SAMD12: variants seen among roughly 807,000 people sequenced by gnomAD.
The protein encoded by SAMD12 is sterile alpha motif domain-containing protein 12.
Under a neutral mutation model 15.0 loss-of-function variants are expected in SAMD12, and 9 were observed. That is an observed-to-expected ratio of 0.60 (90% CI 0.36 to 1.05). The LOEUF (loss-of-function observed/expected upper bound fraction) is 1.05. Ranked by LOEUF, SAMD12 falls within the 50% of genes least tolerant of loss-of-function variation. The pLI, the probability that SAMD12 is intolerant of heterozygous loss-of-function variation, is 0.01. For missense variants in SAMD12, 230 were observed against 234.2 expected (o/e 0.98, Z 0.12); for synonymous variants, 86 against 90.1 (o/e 0.96, Z 0.25).
chr8:118,376,293 A>G (rs1172109271), downstream of SAMD12, among the ~76,000 whole-genome samples: 1 of 152,102 alleles, frequency 6.6e-6, no homozygotes, highest in Non-Finnish European at 1.5e-5. Flanking sequence ...GTCTCCTCAA[A>G]ATTTATGTAT....
intron 1 of SAMD12, among the ~76,000 whole-genome samples, chr8:118,618,976 C>G (rs1428303626): frequency 6.6e-6 from 1 of 152,146 alleles, no homozygotes; most frequent in Non-Finnish European, 1.5e-5. Flanking sequence ...TCTGGCAAAA[C>G]TCCTTATTCT....
At chr8:118,255,788 T>C (rs1198266238) in intron 4 of SAMD12, among the ~76,000 whole-genome samples, 1 of 152,086 alleles carries the variant, frequency 6.6e-6, no homozygotes, top group Non-Finnish European at 1.5e-5. Flanking sequence ...AAGTCTTTGC[T>C]ATTGTGAATA....
chr8:118,335,924 G>T (rs1031025158), intron 4 of SAMD12, among the ~76,000 whole-genome samples: 3 of 152,000 alleles, frequency 2.0e-5, no homozygotes, highest in Admixed American at 6.6e-5. Flanking sequence ...TTATAAAGAC[G>T]GGGTTGCCCA....
At chr8:118,616,376 C>T (rs1346968575) in intron 1 of SAMD12, among the ~76,000 whole-genome samples, 3 of 151,280 alleles carry the variant, frequency 2.0e-5, no homozygotes, top group Non-Finnish European at 4.4e-5. Context: ...GAGACATAGT[C>T]CTTGCCGTAG....
At chr8:118,557,111 T>C (rs1036468286) in intron 2 of SAMD12, among the ~76,000 whole-genome samples, 1 of 152,134 alleles carries the variant, frequency 6.6e-6, no homozygotes. Flanking sequence ...TCTCAAATTG[T>C]AATGCCGGTA....
chr8:118,324,444 C>T (rs1462644830), intron 4 of SAMD12, among the ~76,000 whole-genome samples: 1 of 152,108 alleles, frequency 6.6e-6, no homozygotes, highest in Non-Finnish European at 1.5e-5. Context: ...CAAACGAGTG[C>T]ATGTGGACTG....
In SAMD12 at chr8:118,197,564, T is replaced by G. The variant is rs1819600398; in HGVS notation, c.*146A>C. On this transcript the variant is annotated 3_prime_UTR_variant, in exon 5 of 5. Transcript: ENST00000409003. ...TTTTTCCAAAACCCATAATATTGAC[T>G]GAATGGGTGCTTTTTTCAGTTAATC... is the stretch of plus-strand genomic sequence containing the variant. The G allele has an allele frequency of 1.3e-5, 10 of 787,324 alleles. No individual in the cohort carries two copies. The South Asian group carries it at 1.4e-4, about 11-fold the overall frequency. The allele number at this position is 787,324 out of a possible 1,614,324, so 48.8% of individuals were successfully genotyped here. A position where few individuals can be genotyped will look rare whatever the true frequency, so the allele number is the denominator to read the frequency against.
chr8:118,379,632 G>A lies in SAMD12; in HGVS notation c.391C>T (p.Gln131Ter). Reference protein sequence around the residue: ...RMGIAQENLRQHILQQVLQLK... With the variant: ...RMGIAQENLR ...TGGAGCACCTGTTGTAAGATGTGCTGCCGGAGGTTCTCCTGGGCAATCCCC... is the reference window on the plus strand; with the variant it reads ...TGGAGCACCTGTTGTAAGATGTGCTACCGGAGGTTCTCCTGGGCAATCCCC... The change falls in exon 4 of 4, where the codon CAG becomes TAG. Residue 131 changes from glutamine to a stop codon, truncating the protein, a stop_gained. Coordinates refer to ENST00000314727, the MANE Select transcript of SAMD12 (RefSeq NM_207506.3). LOFTEE classifies it low-confidence loss of function (END_TRUNC). The A allele has an allele frequency of 6.2e-7, 1 of 1,613,924 alleles. No individual in the cohort carries two copies. The highest frequency in any genetic ancestry group is 1.3e-5 in the African/African-American group (1 of 75,044).
intron 1 of SAMD12, among the ~76,000 whole-genome samples, chr8:118,588,007 A>G (rs1018813163): frequency 2.0e-5 from 3 of 152,238 alleles, no homozygotes; most frequent in Non-Finnish European, 2.9e-5. Context: ...TATAGTATGA[A>G]TAACAGATAT....
intron 2 of SAMD12, among the ~76,000 whole-genome samples, chr8:118,515,041 C>T (rs1273057106): frequency 2.6e-5 from 4 of 151,834 alleles, no homozygotes; most frequent in African/African-American, 7.3e-5. Flanking sequence ...TGTTTTGAGA[C>T]GGAGTCTCAC....
chr8:118,286,696 A>T (rs1586433435), intron 4 of SAMD12, among the ~76,000 whole-genome samples: 1 of 152,202 alleles, frequency 6.6e-6, no homozygotes, highest in Non-Finnish European at 1.5e-5. Context: ...AACAAGCATG[A>T]GAGGTAGCTG....
At chr8:118,453,769 C>T (rs1273151659) in intron 2 of SAMD12, among the ~76,000 whole-genome samples, 1 of 152,148 alleles carries the variant, frequency 6.6e-6, no homozygotes, top group Non-Finnish European at 1.5e-5. Context: ...CATTCTCCTG[C>T]CTCGGCCTCC....
intron 1 of SAMD12, among the ~76,000 whole-genome samples, chr8:118,617,258 C>T (rs1039308722): frequency 6.6e-6 from 1 of 152,208 alleles, no homozygotes; most frequent in Admixed American, 6.5e-5. Flanking sequence ...GCTGCAAAGC[C>T]CAGTGTTTAC....
the SAMD12 span, among the ~76,000 whole-genome samples, chr8:118,154,823 G>T: frequency 6.6e-6 from 1 of 152,154 alleles, no homozygotes; most frequent in Non-Finnish European, 1.5e-5. Flanking sequence ...AACCTTGAGA[G>T]CAGTGACAGA....
chr8:118,590,205 A>G (rs1211168446), intron 1 of SAMD12, among the ~76,000 whole-genome samples: 1 of 152,238 alleles, frequency 6.6e-6, no homozygotes, highest in Non-Finnish European at 1.5e-5. Context: ...CATGTAGATA[A>G]TAACTGCTTT....
the SAMD12 span, among the ~76,000 whole-genome samples, chr8:118,136,926 GA>G: frequency 6.6e-6 from 1 of 152,218 alleles, no homozygotes; most frequent in Non-Finnish European, 1.5e-5. Context: ...TTTGGCAATA[GA>G]GATTCCTCTG....
chr8:118,337,707 C>G (rs1817153401), intron 4 of SAMD12, among the ~76,000 whole-genome samples: 1 of 152,188 alleles, frequency 6.6e-6, no homozygotes, highest in Admixed American at 6.5e-5. Context: ...GATGGACTGT[C>G]CTGATATTGC....
chr8:118,185,617 C>T (rs776232738), downstream of SAMD12, among the ~76,000 whole-genome samples: 21 of 152,194 alleles, frequency 1.4e-4, no homozygotes, highest in Non-Finnish European at 2.5e-4. Context: ...TAGAACTGAA[C>T]TGAAGTAGTG....
intron 2 of SAMD12, among the ~76,000 whole-genome samples, chr8:118,512,231 T>A (rs978935579): frequency 1.3e-5 from 2 of 152,182 alleles, no homozygotes; most frequent in Non-Finnish European, 2.9e-5. Flanking sequence ...ATTTTTCTAT[T>A]GAATTTGTGG....
Sources: gnomAD v4.1 joint callset for allele counts (sites outside exome capture counted in the v4.1 genomes callset) on GRCh38, gnomAD v4.1.1 for gene constraint, MANE v1.5 for transcripts, NCBI Gene and HGNC (gene_info 2026-07-23, HGNC 2026-07-21) for gene names.